The following ZMIZ1 variants were observed in gnomAD, a reference collection of about 807,000 sequenced individuals.
The protein encoded by ZMIZ1 is zinc finger MIZ domain-containing protein 1.
ZMIZ1 carries 17 observed loss-of-function variants against 113.9 expected under a neutral mutation model. That is an observed-to-expected ratio of 0.15 (90% CI 0.10 to 0.22). The LOEUF (loss-of-function observed/expected upper bound fraction) is 0.22, where lower values mean the gene tolerates loss of function less well. Ranked by LOEUF, ZMIZ1 falls within the 10% of genes least tolerant of loss-of-function variation. ZMIZ1 has a pLI of 1.00. For synonymous variants in ZMIZ1, 607 were observed against 603.1 expected (o/e 1.01, Z -0.09); for missense variants, 1,059 against 1,477.8 (o/e 0.72, Z 4.65).
chr10:79,167,614 C>T (rs527781059), intron 4 of ZMIZ1, among the ~76,000 whole-genome samples: 2 of 152,290 alleles, frequency 1.3e-5, no homozygotes, highest in African/African-American at 4.8e-5. Context: ...TGAGCAATTT[C>T]ATTCCCCCCA....
At chr10:79,273,990 G>A (rs1456146446) in intron 7 of ZMIZ1, among the ~76,000 whole-genome samples, 1 of 152,180 alleles carries the variant, frequency 6.6e-6, no homozygotes, top group Non-Finnish European at 1.5e-5. Flanking sequence ...TATGAAGGGG[G>A]AAAGGGACAT....
At chr10:79,302,861 G>GTTTTTT (rs34181232) in intron 18 of ZMIZ1, among the ~76,000 whole-genome samples, 2 of 116,048 alleles carry the variant, frequency 1.7e-5, no homozygotes, top group Non-Finnish European at 1.8e-5. Flanking sequence ...GCCCAGCTAA[G>GTTTTTT]TTTTTTTTTT....
chr10:79,091,375 G>A (rs1004995814), intron 1 of ZMIZ1, among the ~76,000 whole-genome samples: 11 of 152,184 alleles, frequency 7.2e-5, no homozygotes, highest in African/African-American at 2.7e-4. Context: ...GGCCATAACG[G>A]CACAGGCTAA....
chr10:79,208,133 G>T (rs1848403517), intron 5 of ZMIZ1, among the ~76,000 whole-genome samples: 1 of 135,014 alleles, frequency 7.4e-6, no homozygotes, highest in Non-Finnish European at 1.6e-5. Context: ...GGAGGTGGGG[G>T]TGGGGGGGGG....
chr10:79,256,040 G>A (rs756246378), intron 7 of ZMIZ1, among the ~76,000 whole-genome samples: 11 of 152,174 alleles, frequency 7.2e-5, no homozygotes, highest in Non-Finnish European at 1.3e-4. Flanking sequence ...TCCCCACTGG[G>A]AGCCCCCCAG....
chr10:79,215,107 A>G (rs1427706840), intron 6 of ZMIZ1, among the ~76,000 whole-genome samples: 1 of 151,966 alleles, frequency 6.6e-6, no homozygotes, highest in African/African-American at 2.4e-5. Flanking sequence ...GAAGCCCCCC[A>G]TTTGCTGGGG....
At chr10:79,175,845 A>G (rs1209822555) in intron 4 of ZMIZ1, among the ~76,000 whole-genome samples, 2 of 152,004 alleles carry the variant, frequency 1.3e-5, no homozygotes, top group African/African-American at 4.8e-5. Context: ...GGCTTAGCCC[A>G]CAGGACTCCT....
intron 1 of ZMIZ1, among the ~76,000 whole-genome samples, chr10:79,104,834 G>A (rs1843494506): frequency 6.6e-6 from 1 of 152,184 alleles, no homozygotes; most frequent in African/African-American, 2.4e-5. Flanking sequence ...ACCAGAGGCA[G>A]TAATGAGCTT....
At chr10:79,285,460 T>C in intron 8 of ZMIZ1, 1 of 456,044 alleles carries the variant, frequency 2.2e-6, no homozygotes, top group Non-Finnish European at 4.4e-6. Context: ...TAGATGAGGT[T>C]GCTGAGGCAT....
chr10:79,240,638 CTTTTTTTTTTTT>C (rs56903717), intron 7 of ZMIZ1, among the ~76,000 whole-genome samples: 9 of 55,314 alleles, frequency 1.6e-4, no homozygotes, highest in African/African-American at 4.2e-4. Context: ...GAGTATTTAT[CTTTTTTTTTTTT>C]TTTTTTTTTT....
At chr10:79,277,104 G>A in intron 7 of ZMIZ1, 77 bp from the exon 8 acceptor site, 1 of 1,440,088 alleles carries the variant, frequency 6.9e-7, no homozygotes, top group Non-Finnish European at 9.1e-7. Flanking sequence ...ACCCAGTCTG[G>A]GGAGAGTTGG....
chr10:79,313,025 C>T lies in ZMIZ1; in HGVS notation c.*276C>T, dbSNP rs982637966. On this transcript the variant is annotated 3_prime_UTR_variant, in exon 25 of 25. Coordinates refer to ENST00000334512, the MANE Select transcript of ZMIZ1 (RefSeq NM_020338.4). ...AGCGCAGGCCTGAAGACCACCCTCC[C>T]GAGAGGAACCAGCCCGGTAAGAGGG... is the stretch of plus-strand genomic sequence containing the variant. The T allele has an allele frequency of 3.4e-5, 16 of 467,052 alleles. No individual in the cohort carries two copies. The highest frequency in any genetic ancestry group is 1.2e-4 in the Admixed American group (3 of 25,542). The allele number at this position is 467,052 out of a possible 1,614,324, so 28.9% of individuals were successfully genotyped here. A position where few individuals can be genotyped will look rare whatever the true frequency, so the allele number is the denominator to read the frequency against.
intron 1 of ZMIZ1, among the ~76,000 whole-genome samples, chr10:79,096,449 T>C (rs535371853): frequency 0.019 from 2,848 of 152,148 alleles, 37 homozygotes; most frequent in Non-Finnish European, 0.031. Context: ...GAGGCGGAGC[T>C]TGCAGTGAGC....
At chr10:79,233,638 G>A (rs981881153) in intron 7 of ZMIZ1, among the ~76,000 whole-genome samples, 2 of 152,178 alleles carry the variant, frequency 1.3e-5, no homozygotes, top group African/African-American at 2.4e-5. Context: ...GCATCCACAG[G>A]GCTGAGATCA....
At chr10:79,092,851 T>G (rs751136012) in intron 1 of ZMIZ1, among the ~76,000 whole-genome samples, 3 of 152,052 alleles carry the variant, frequency 2.0e-5, no homozygotes, top group Non-Finnish European at 4.4e-5. Flanking sequence ...TTCTGTAAGA[T>G]GGGTGTATTT....
At chr10:79,101,891 A>G (rs1232310615) in intron 1 of ZMIZ1, among the ~76,000 whole-genome samples, 1 of 152,136 alleles carries the variant, frequency 6.6e-6, no homozygotes, top group Non-Finnish European at 1.5e-5. Context: ...GTCAATTACC[A>G]TCAGCTGCCA....
At chr10:79,179,411 A>G (rs1847014663) in intron 4 of ZMIZ1, among the ~76,000 whole-genome samples, 1 of 152,254 alleles carries the variant, frequency 6.6e-6, no homozygotes, top group South Asian at 2.1e-4. Context: ...GGTAACTAGT[A>G]TGAGGTCACA....
intron 2 of ZMIZ1, among the ~76,000 whole-genome samples, chr10:79,124,221 CA>C (rs1844419410): frequency 1.3e-5 from 2 of 152,190 alleles, no homozygotes; most frequent in Non-Finnish European, 2.9e-5. Context: ...CCTCTCTGAG[CA>C]GCTGTTTATT....
In ZMIZ1 at chr10:79,118,405, G is replaced by A. The variant is rs1265173905; in HGVS notation, c.-336-510G>A. 6.6e-6 allele frequency among the ~76,000 whole-genome samples: 1 copy of A among 152,212 alleles called. No homozygotes were observed. Among genetic ancestry groups the A allele is most frequent in the Non-Finnish European group, 1.5e-5 (1 of 68,034 alleles). On this transcript the variant is annotated intron_variant, in intron 1 of 24. Transcript: ENST00000334512. This position sits in a 1 kb window ranked among gnomAD's most constrained non-coding sequence, Gnocchi z 4.1. ...CAGGAGCTGGGCCTGGAGCGGGAGA[G>A]TGTCCTGTGGGAAGCGGGAGGAGGC...
Sources: gnomAD v4.1 joint callset for allele counts (sites outside exome capture counted in the v4.1 genomes callset) on GRCh38, gnomAD v4.1.1 for gene constraint, Gnocchi (gnomAD v3.1) non-coding constraint, MANE v1.5 for transcripts, NCBI Gene and HGNC (gene_info 2026-07-23, HGNC 2026-07-21) for gene names.